PCDHGA7: variants seen among roughly 807,000 people sequenced by gnomAD.
The protein encoded by PCDHGA7 is protocadherin gamma-A7.
Under a neutral mutation model 58.3 loss-of-function variants are expected in PCDHGA7, and 44 were observed. The observed-to-expected ratio is 0.75, with a 90% CI of 0.59 to 0.97. The LOEUF (loss-of-function observed/expected upper bound fraction) is 0.97, where lower values mean the gene tolerates loss of function less well. Among genes scored for constraint, PCDHGA7 ranks in the 50% least tolerant of loss-of-function variants. PCDHGA7 has a pLI of 0.00. For missense variants in PCDHGA7, 1,266 were observed against 1,188.7 expected, an observed-to-expected ratio of 1.06 and a Z score of -0.96; for synonymous variants, 516 against 504.2, an observed-to-expected ratio of 1.02 and a Z score of -0.31.
In PCDHGA7 at chr5:141,491,696, G is replaced by A; in HGVS notation, c.2425-3111G>A. The A allele has an allele frequency of 6.2e-7, 1 of 1,612,390 alleles. No individual in the cohort carries two copies. The highest frequency in any genetic ancestry group is 8.5e-7 in the Non-Finnish European group (1 of 1,179,286). ...CGCTCTAATACGCTGCGGGAGCGGA[G>A]CCAGGTGAGGGGCTCGGCGCCGCCC... On this transcript the variant is annotated intron_variant, in intron 1 of 3. Coordinates refer to ENST00000518325, the MANE Select transcript of PCDHGA7 (RefSeq NM_018920.4). This position sits in a 1 kb window ranked among gnomAD's most constrained non-coding sequence, Gnocchi z 6.9.
At chr5:141,492,009 G>C in intron 1 of PCDHGA7, 1 of 617,702 alleles carries the variant, frequency 1.6e-6, no homozygotes, top group Non-Finnish European at 2.7e-6. Flanking sequence ...GATTTCCGCG[G>C]GTGTCGGGGG....
chr5:141,476,551 C>G lies in PCDHGA7; in HGVS notation c.2425-18256C>G, dbSNP rs367700651. ...CCCAGGAAATGAAATTGGAGATTAG[C>G]GAGGCCGTGGCTCCGGGGACGCGCT... On this transcript the variant is annotated intron_variant, in intron 1 of 3. Transcript: ENST00000518325. The surrounding 1 kb of genome is among the most constrained non-coding windows in gnomAD (Gnocchi z 7.6). 128 of 1,614,078 alleles carry G rather than the reference C, an allele frequency of 7.9e-5. No homozygotes were observed. Among genetic ancestry groups the G allele is most frequent in the Non-Finnish European group, 1.0e-4 (122 of 1,180,034 alleles).
rs564486909 is a variant in PCDHGA7, at chr5:141,428,072, G to C, written c.2424+42749G>C. ...AGGTGGTGGCGGTGGACGCAGATTC[G>C]GGACACAACGCTTGGCTGTCCTACC... is the stretch of plus-strand genomic sequence containing the variant. On this transcript the variant is annotated intron_variant, in intron 1 of 3. Transcript: ENST00000518325. 5 of 1,609,080 alleles carry C rather than the reference G, an allele frequency of 3.1e-6. 1 individual carries two copies. The South Asian group carries it at 5.5e-5, about 18-fold the overall frequency.
rs147783721 is a variant in PCDHGA7 at position 141,404,989 on chromosome 5, G to A, written c.2424+19666G>A. 5 of 1,614,046 alleles carry A rather than the reference G, an allele frequency of 3.1e-6. No homozygotes were observed. The South Asian group carries it at 4.4e-5, about 14-fold the overall frequency. On this transcript the variant is annotated intron_variant, in intron 1 of 3. Coordinates refer to ENST00000518325, the MANE Select transcript of PCDHGA7 (RefSeq NM_018920.4). The stretch of plus-strand genomic sequence containing the variant: ...TCCTGGCTGACCTGGGCAGTCTTCA[G>A]ATCCCTGCAGACCTGGAGGCCTCAG...
intron 1 of PCDHGA7, chr5:141,423,228 C>T (rs1321708353): frequency 6.2e-7 from 1 of 1,613,748 alleles, no homozygotes; most frequent in Non-Finnish European, 8.5e-7. Flanking sequence ...CTGTGGCCGA[C>T]AGCATCCCCG....
intron 1 of PCDHGA7, chr5:141,421,947 C>T: frequency 6.2e-7 from 1 of 1,613,118 alleles, no homozygotes; most frequent in African/African-American, 1.3e-5. Context: ...ATGATCACAT[C>T]CCAATGTTTA....
intron 3 of PCDHGA7, chr5:141,508,010 CAAG>C (rs2099865550): frequency 6.6e-6 from 1 of 152,308 alleles, no homozygotes; most frequent in Non-Finnish European, 1.5e-5. Context: ...GGGATGCTCT[CAAG>C]GAGGCTGCGG....
rs144613597 is a variant in PCDHGA7, at chr5:141,483,029, G to A, written c.2425-11778G>A. 3.9e-3 allele frequency among the ~76,000 whole-genome samples: 588 copies of A among 152,220 alleles called. 6 individuals are homozygous for A. Among genetic ancestry groups the A allele is most frequent in the Admixed American group, 0.011 (169 of 15,280 alleles). ...GAACCCGGGAGGCAGAGGTTGCAAT[G>A]AGCTGGTGTCAGGCCACTGCACTCC... On this transcript the variant is annotated intron_variant, in intron 1 of 3. Transcript: ENST00000518325.
Position 141,485,168 on chromosome 5 carries a change from G to A in PCDHGA7, c.2425-9639G>A. The A allele has an allele frequency of 6.2e-7, 1 of 1,608,668 alleles. No individual in the cohort carries two copies. Among genetic ancestry groups the A allele is most frequent in the Non-Finnish European group, 8.5e-7 (1 of 1,175,736 alleles). ...GGAGCAAGTAGAGAATTAGCGGGCG[G>A]CAGCAATGCTCCGCAAGGTGAGAAG... is the stretch of plus-strand genomic sequence containing the variant. On this transcript the variant is annotated intron_variant, in intron 1 of 3. Coordinates refer to ENST00000518325, the MANE Select transcript of PCDHGA7 (RefSeq NM_018920.4). This position sits in a 1 kb window ranked among gnomAD's most constrained non-coding sequence, Gnocchi z 5.7.
chr5:141,460,126 T>TC (rs2098982804), intron 1 of PCDHGA7, among the ~76,000 whole-genome samples: 1 of 151,986 alleles, frequency 6.6e-6, no homozygotes, highest in South Asian at 2.1e-4. Context: ...ATATATGTAA[T>TC]ATATATATTC....
intron 1 of PCDHGA7, chr5:141,421,690 C>T: frequency 6.2e-7 from 1 of 1,613,948 alleles, no homozygotes. Context: ...GCGATTTGCT[C>T]TTCCTAATGC....
chr5:141,507,397 AC>A (rs1163501030), intron 3 of PCDHGA7: 1 of 152,144 alleles, frequency 6.6e-6, no homozygotes. Flanking sequence ...TGGCAACTCT[AC>A]CCCAGATGTC....
intron 1 of PCDHGA7, among the ~76,000 whole-genome samples, chr5:141,450,816 T>C (rs960010807): frequency 7.9e-6 from 1 of 126,568 alleles, no homozygotes; most frequent in Non-Finnish European, 1.6e-5. Context: ...ATTTATTTAA[T>C]ATTATTATTA....
intron 1 of PCDHGA7, among the ~76,000 whole-genome samples, chr5:141,445,441 C>T (rs1201825256): frequency 6.6e-6 from 1 of 152,152 alleles, no homozygotes; most frequent in Admixed American, 6.6e-5. Context: ...GACCTATGGA[C>T]TAAGGATGCA....
intron 1 of PCDHGA7, chr5:141,422,919 G>A (rs1445179310): frequency 3.7e-6 from 6 of 1,614,238 alleles, no homozygotes; most frequent in Non-Finnish European, 5.1e-6. Flanking sequence ...CCGAGATCCT[G>A]TACCCTGCCC....
At chr5:141,473,808 C>G (rs1562041705) in intron 1 of PCDHGA7, among the ~76,000 whole-genome samples, 1 of 152,198 alleles carries the variant, frequency 6.6e-6, no homozygotes, top group Non-Finnish European at 1.5e-5. Flanking sequence ...TACTGAGGAG[C>G]AGCTGGACAA....
At chr5:141,406,682 ATTC>A (rs1390945950) in intron 1 of PCDHGA7, among the ~76,000 whole-genome samples, 1 of 152,216 alleles carries the variant, frequency 6.6e-6, no homozygotes, top group Non-Finnish European at 1.5e-5. Flanking sequence ...ATAGTAGGAC[ATTC>A]TTCTTTTCTA....
chr5:141,487,314 A>G lies in PCDHGA7; in HGVS notation c.2425-7493A>G. ...GGCTCATTCGTGGCACTACTCTCTAAGTGTCTTCGTGGGGCAGCCTGTGGA... is the reference window on the plus strand; with the variant it reads ...GGCTCATTCGTGGCACTACTCTCTAGGTGTCTTCGTGGGGCAGCCTGTGGA... On this transcript the variant is annotated intron_variant, in intron 1 of 3. Transcript: ENST00000518325. The surrounding 1 kb of genome is among the most constrained non-coding windows in gnomAD (Gnocchi z 5.0). The G allele has an allele frequency of 6.2e-7, 1 of 1,614,002 alleles. No individual in the cohort carries two copies. Among genetic ancestry groups the G allele is most frequent in the African/African-American group, 1.3e-5 (1 of 74,994 alleles).
chr5:141,460,333 G>A (rs2098986532), intron 1 of PCDHGA7, among the ~76,000 whole-genome samples: 1 of 152,056 alleles, frequency 6.6e-6, no homozygotes, highest in African/African-American at 2.4e-5. Context: ...AACTTATGAT[G>A]ATTTTCTCCT....
Sources: allele counts gnomAD v4.1 joint callset (sites outside exome capture counted in the v4.1 genomes callset), GRCh38; gene constraint gnomAD v4.1.1; non-coding constraint Gnocchi (gnomAD v3.1); transcripts MANE v1.5; gene names NCBI Gene and HGNC (gene_info 2026-07-23, HGNC 2026-07-21).